MTMR9: variants seen among roughly 807,000 people sequenced by gnomAD.
MTMR9 encodes the protein myotubularin-related protein 9.
MTMR9 carries 39 observed loss-of-function variants against 69.5 expected under a neutral mutation model. The observed-to-expected ratio is 0.56, with a 90% CI of 0.43 to 0.73. The LOEUF (loss-of-function observed/expected upper bound fraction) is 0.73, where lower values mean the gene tolerates loss of function less well. Ranked by LOEUF, MTMR9 falls within the 30% of genes least tolerant of loss-of-function variation. The probability of loss-of-function intolerance (pLI) is 0.00; values close to 1 mark genes in which losing one functional copy is unlikely to be tolerated. For missense variants in MTMR9, 900 were observed against 671.2 expected (o/e 1.34, Z -3.77); for synonymous variants, 354 against 240.8 (o/e 1.47, Z -4.35).
intron 9 of MTMR9, chr8:11,321,553 C>A: frequency 2.2e-6 from 1 of 454,228 alleles, no homozygotes; most frequent in Non-Finnish European, 4.4e-6. Context: ...GGATTAAGTC[C>A]TGCCATGCCG....
rs1156711392 is a variant in MTMR9 at position 11,284,882 on chromosome 8, G to A, written c.-7G>A. ...GCTCGGTTCCCTGGCTCCGGCCGCG[G>A]GGGAGCATGGAGTTTGCGGAGCTGA... On this transcript the variant is annotated 5_prime_UTR_variant, in exon 1 of 10. Transcript: ENST00000221086. 2 of 1,595,320 alleles carry A rather than the reference G, an allele frequency of 1.3e-6. No homozygotes were observed. The highest frequency in any genetic ancestry group is 2.7e-5 in the African/African-American group (2 of 73,684).
downstream of MTMR9, among the ~76,000 whole-genome samples, chr8:11,328,835 T>C (rs1801064879): frequency 6.6e-6 from 1 of 152,232 alleles, no homozygotes; most frequent in Admixed American, 6.5e-5. Context: ...ATCAACATCA[T>C]GTGCCTTCTG....
intron 1 of MTMR9, among the ~76,000 whole-genome samples, chr8:11,286,944 T>G (rs1239901373): frequency 6.6e-6 from 1 of 152,232 alleles, no homozygotes; most frequent in Non-Finnish European, 1.5e-5. Flanking sequence ...TCTCCCAAGT[T>G]TGTTTAACAT....
intron 2 of MTMR9, chr8:11,297,782 GA>G: frequency 2.2e-6 from 1 of 446,490 alleles, no homozygotes; most frequent in East Asian, 7.0e-5. Context: ...CCTTAGGACT[GA>G]AAAGAAGCCG....
In MTMR9 at chr8:11,324,054, G is replaced by T. The variant is rs899719710; in HGVS notation, c.*1266G>T. ...TGACATTGCTCATTTTAACAAATAT[G>T]ACCGAGTCTAGTTTTTCTTTAAAAG... On this transcript the variant is annotated 3_prime_UTR_variant, in exon 10 of 10. Coordinates refer to ENST00000221086, the MANE Select transcript of MTMR9 (RefSeq NM_015458.4). The T allele has an allele frequency of 6.6e-6, 1 of 152,102 alleles. No homozygotes were observed. Among genetic ancestry groups the T allele is most frequent in the African/African-American group, 2.4e-5 (1 of 41,428 alleles). The allele number at this position is 152,102 out of a possible 1,614,324, so 9.4% of individuals were successfully genotyped here. A position where few individuals can be genotyped will look rare whatever the true frequency, so the allele number is the denominator to read the frequency against.
intron 1 of MTMR9, among the ~76,000 whole-genome samples, chr8:11,287,812 CATATAAT>C (rs539736215): frequency 3.4e-3 from 300 of 89,534 alleles, no homozygotes; most frequent in African/African-American, 0.013. Context: ...TTATATAATA[CATATAAT>C]ATATAATATA....
At chr8:11,286,772 C>G (rs982783963) in intron 1 of MTMR9, among the ~76,000 whole-genome samples, 46 of 151,756 alleles carry the variant, frequency 3.0e-4, no homozygotes, top group South Asian at 6.3e-4. Flanking sequence ...CCTACTTTCT[C>G]ACTTTATTTC....
downstream of MTMR9, among the ~76,000 whole-genome samples, chr8:11,330,480 G>T (rs1425588993): frequency 6.6e-6 from 1 of 152,236 alleles, no homozygotes; most frequent in South Asian, 2.1e-4. Context: ...ATAGAAAAGG[G>T]GGAAAGGTGG....
chr8:11,329,310 T>C (rs147822237), downstream of MTMR9, among the ~76,000 whole-genome samples: 18 of 152,340 alleles, frequency 1.2e-4, no homozygotes, highest in Admixed American at 2.0e-4. Flanking sequence ...GGAAGATCAC[T>C]TGAGCCCAGG....
rs748224445 is a variant in MTMR9, at chr8:11,285,104, G to A, written c.182+34G>A. 9.3e-6 allele frequency: 14 copies of A among 1,509,280 alleles called. No homozygotes were observed. The East Asian group carries it at 1.3e-4, about 14-fold the overall frequency. 93.5% of individuals were successfully genotyped at this position (1,509,280 alleles called of 1,614,324 possible). ...CCGCCCCACCCCAGCTCCGCAGGGAGCCGGGGGTCCCTTGTGGGCGCCCCG... is the reference window on the plus strand; with the variant it reads ...CCGCCCCACCCCAGCTCCGCAGGGAACCGGGGGTCCCTTGTGGGCGCCCCG... On this transcript the variant is annotated intron_variant, in intron 1 of 9. Coordinates refer to ENST00000221086, the MANE Select transcript of MTMR9 (RefSeq NM_015458.4).
At chr8:11,338,620 A>G in the MTMR9 span, among the ~76,000 whole-genome samples, 7 of 152,212 alleles carry the variant, frequency 4.6e-5, no homozygotes, top group African/African-American at 7.2e-5. Context: ...CGGCATTCCT[A>G]TGGATGAGAC....
At chr8:11,319,954 G>T in intron 9 of MTMR9, 116 bp downstream of exon 9, 1 of 928,876 alleles carries the variant, frequency 1.1e-6, no homozygotes, top group Admixed American at 3.1e-5. Flanking sequence ...CCTCAGACCT[G>T]TGTGAATTGT....
chr8:11,331,679 G>C, downstream of MTMR9: 1 of 1,612,070 alleles, frequency 6.2e-7, no homozygotes, highest in Non-Finnish European at 8.5e-7. Context: ...ACACCACCCT[G>C]GGCTATGTGC....
downstream of MTMR9, chr8:11,331,351 C>T: frequency 6.2e-7 from 1 of 1,614,024 alleles, no homozygotes; most frequent in African/African-American, 1.3e-5. Context: ...TTCCACCTCC[C>T]TATTGCCCTG....
chr8:11,316,726 G>A lies in MTMR9; in HGVS notation c.1167G>A (p.Lys389=), dbSNP rs749531048. 4.3e-6 allele frequency: 7 copies of A among 1,613,510 alleles called. No individual in the cohort carries two copies. The Admixed American group carries it at 6.7e-5, about 15-fold the overall frequency. The part of the protein sequence containing the change: ...RCAQSAYCNT[K]QKWEAPVFLL... The stretch of plus-strand genomic sequence containing the variant: ...CACAGTCAGCCTACTGTAACACCAA[G>A]CAGAAGTGGGAGGCTCCTGTATTTC... The change falls in exon 8 of 10, where the codon AAG becomes AAA. Residue 389 remains lysine (K), a synonymous_variant. Transcript: ENST00000221086.
At chr8:11,337,595 T>A in the MTMR9 span, among the ~76,000 whole-genome samples, 5 of 152,218 alleles carry the variant, frequency 3.3e-5, no homozygotes, top group African/African-American at 1.2e-4. Context: ...TCAAAACAAT[T>A]GAGATTTCTG....
chr8:11,314,876 C>A (rs1481485999), intron 6 of MTMR9, 47 bp from the exon 7 acceptor site: 1 of 1,584,872 alleles, frequency 6.3e-7, no homozygotes. Context: ...GTTCATTGAC[C>A]ATGTTGGACA....
At chr8:11,291,356 C>CT (rs1239631618) in intron 1 of MTMR9, among the ~76,000 whole-genome samples, 3 of 151,948 alleles carry the variant, frequency 2.0e-5, no homozygotes, top group Non-Finnish European at 4.4e-5. Flanking sequence ...CCTGAAAAAA[C>CT]TAAGACCATT....
intron 8 of MTMR9, 65 bp downstream of exon 8, chr8:11,316,958 A>G: frequency 2.8e-6 from 3 of 1,066,252 alleles, no homozygotes; most frequent in Non-Finnish European, 4.1e-6. Context: ...CTAAGTAGCC[A>G]GAATCTCCTA....
Sources: allele counts gnomAD v4.1 joint callset (sites outside exome capture counted in the v4.1 genomes callset), GRCh38; gene constraint gnomAD v4.1.1; transcripts MANE v1.5; gene names NCBI Gene and HGNC (gene_info 2026-07-23, HGNC 2026-07-21).